Variants in LIN28B observed in about 807,000 individuals in gnomAD.
The protein encoded by LIN28B is lin-28 RNA binding posttranscriptional regulator B, also known as protein lin-28 homolog B.
Under a neutral mutation model 21.9 loss-of-function variants are expected in LIN28B, and 5 were observed. The observed-to-expected ratio is 0.23, with a 90% CI of 0.12 to 0.48. The LOEUF (loss-of-function observed/expected upper bound fraction) is 0.48. LIN28B is among the 20% of genes least tolerant of loss of function. The probability of loss-of-function intolerance (pLI) is 0.98; values close to 1 mark genes in which losing one functional copy is unlikely to be tolerated. For synonymous variants in LIN28B, 109 were observed against 111.3 expected (o/e 0.98, Z 0.13); for missense variants, 245 against 310.5 (o/e 0.79, Z 1.58).
intron 2 of LIN28B, among the ~76,000 whole-genome samples, chr6:105,004,825 TC>T (rs1770783575): frequency 6.6e-6 from 1 of 152,214 alleles, no homozygotes; most frequent in Non-Finnish European, 1.5e-5. Context: ...TTGTTGTTGT[TC>T]CTTGGAGAAT....
At chr6:105,058,535 G>T (rs1158103166) in intron 3 of LIN28B, among the ~76,000 whole-genome samples, 1 of 152,154 alleles carries the variant, frequency 6.6e-6, no homozygotes, top group Admixed American at 6.5e-5. Context: ...AGAATGAGAG[G>T]CTATTTCAGT....
intron 2 of LIN28B, among the ~76,000 whole-genome samples, chr6:105,016,318 G>A (rs1009553634): frequency 6.6e-6 from 1 of 152,130 alleles, no homozygotes; most frequent in African/African-American, 2.4e-5. Context: ...AAGTTTTATA[G>A]TAAATTTTTA....
intron 3 of LIN28B, among the ~76,000 whole-genome samples, chr6:105,054,813 C>T (rs1046032339): frequency 6.6e-6 from 1 of 151,640 alleles, no homozygotes; most frequent in Non-Finnish European, 1.5e-5. Flanking sequence ...AGTGAGTTTC[C>T]ATGTGGTTAC....
At chr6:104,970,744 C>G (rs967380733) in intron 2 of LIN28B, among the ~76,000 whole-genome samples, 3 of 152,058 alleles carry the variant, frequency 2.0e-5, no homozygotes, top group African/African-American at 7.2e-5. Flanking sequence ...GAAATAATTG[C>G]TGGCAGAATA....
At chr6:105,061,887 A>G in intron 3 of LIN28B, among the ~76,000 whole-genome samples, 1 of 152,108 alleles carries the variant, frequency 6.6e-6, no homozygotes, top group Admixed American at 6.5e-5. Context: ...CTACTGTAAG[A>G]TGAAAGTTTT....
chr6:104,959,325 T>A (rs146987578), intron 2 of LIN28B, among the ~76,000 whole-genome samples: 1 of 152,348 alleles, frequency 6.6e-6, no homozygotes, highest in African/African-American at 2.4e-5. Flanking sequence ...CTGTTAATAC[T>A]ACAGATTGAC....
chr6:105,033,508 GT>G (rs1185179442), intron 3 of LIN28B, among the ~76,000 whole-genome samples: 11 of 151,886 alleles, frequency 7.2e-5, no homozygotes, highest in African/African-American at 2.7e-4. Context: ...TTAATTTAGC[GT>G]CCACTTACAA....
chr6:104,998,180 C>T (rs2114284708), intron 2 of LIN28B, among the ~76,000 whole-genome samples: 1 of 152,258 alleles, frequency 6.6e-6, no homozygotes, highest in Middle Eastern at 3.4e-3. Flanking sequence ...AGAAGTGTTT[C>T]ATGTTATAAG....
At chr6:105,001,397 A>G (rs1421121372) in intron 2 of LIN28B, among the ~76,000 whole-genome samples, 2 of 152,238 alleles carry the variant, frequency 1.3e-5, no homozygotes, top group Admixed American at 6.5e-5. Context: ...TCATTGGACC[A>G]TCTATCTACA....
chr6:105,027,956 G>T (rs368581249), intron 3 of LIN28B, among the ~76,000 whole-genome samples: 1 of 152,066 alleles, frequency 6.6e-6, no homozygotes, highest in Admixed American at 6.6e-5. Context: ...ATTTTTAGGA[G>T]CTCATTTTGT....
intron 2 of LIN28B, among the ~76,000 whole-genome samples, chr6:104,948,578 C>CA (rs1778184993): frequency 6.6e-6 from 1 of 152,054 alleles, no homozygotes; most frequent in Non-Finnish European, 1.5e-5. Context: ...TATTTCATTT[C>CA]AAAAAACAGT....
chr6:104,938,118 G>A (rs1019127332), intron 2 of LIN28B, among the ~76,000 whole-genome samples: 13 of 149,542 alleles, frequency 8.7e-5, no homozygotes, highest in African/African-American at 1.2e-4. Flanking sequence ...AAAATTAGGC[G>A]CTTGTAGTCC....
upstream of LIN28B, among the ~76,000 whole-genome samples, chr6:104,952,661 CAAATTTTGAAATGTAAAGGG>C (rs1358545894): frequency 6.6e-6 from 1 of 152,024 alleles, no homozygotes; most frequent in African/African-American, 2.4e-5. Context: ...GAAGCATTTG[CAAATTTTGAAATGTAAAGGG>C]AAATTTTGAA....
At chr6:104,965,188 G>T (rs1226703519) in intron 2 of LIN28B, among the ~76,000 whole-genome samples, 4 of 152,086 alleles carry the variant, frequency 2.6e-5, no homozygotes, top group African/African-American at 9.7e-5. Flanking sequence ...TGATGTTAAG[G>T]CTTTTCATTA....
At chr6:105,044,548 C>T (rs1771702408) in intron 3 of LIN28B, among the ~76,000 whole-genome samples, 1 of 151,970 alleles carries the variant, frequency 6.6e-6, no homozygotes, top group African/African-American at 2.4e-5. Context: ...GTTTGTAAAT[C>T]CAAAGTATAG....
In LIN28B at chr6:105,082,568, A is replaced by G. The variant is rs371758476; in HGVS notation, c.*3785A>G. 6 of 152,772 alleles carry G rather than the reference A, an allele frequency of 3.9e-5. No individual in the cohort carries two copies. The East Asian group carries it at 5.8e-4, about 15-fold the overall frequency. 9.5% of individuals were successfully genotyped at this position (152,772 alleles called of 1,614,324 possible). A position where few individuals can be genotyped will look rare whatever the true frequency, so the allele number is the denominator to read the frequency against. On this transcript the variant is annotated 3_prime_UTR_variant, in exon 4 of 4. Transcript: ENST00000345080. ...GGAAAGTATGTACAAGTGCAGCTGCACTGACTTTAATTTTCTAGATGTCTT... is the reference window on the plus strand; with the variant it reads ...GGAAAGTATGTACAAGTGCAGCTGCGCTGACTTTAATTTTCTAGATGTCTT...
chr6:104,940,933 G>C (rs1421521090), intron 2 of LIN28B: 1 of 152,474 alleles, frequency 6.6e-6, no homozygotes, highest in Admixed American at 6.5e-5. Context: ...CCCGTCCTTC[G>C]GGACTGAACG....
At chr6:105,073,657 T>C (rs891684202) in intron 3 of LIN28B, among the ~76,000 whole-genome samples, 1 of 152,220 alleles carries the variant, frequency 6.6e-6, no homozygotes. Flanking sequence ...AATGTTCAAG[T>C]ACTGTGAAGA....
At chr6:104,969,241 C>G (rs1353733589) in intron 2 of LIN28B, among the ~76,000 whole-genome samples, 2 of 152,114 alleles carry the variant, frequency 1.3e-5, no homozygotes, top group African/African-American at 4.8e-5. Context: ...TCTAAGGACA[C>G]TTGGATTTGC....
Sources: gnomAD v4.1 joint callset for allele counts (sites outside exome capture counted in the v4.1 genomes callset) on GRCh38, gnomAD v4.1.1 for gene constraint, MANE v1.5 for transcripts, NCBI Gene and HGNC (gene_info 2026-07-23, HGNC 2026-07-21) for gene names.